MKLN1: variants seen among roughly 807,000 people sequenced by gnomAD.
MKLN1 encodes muskelin 1, also known as muskelin.
In MKLN1, 18 loss-of-function variants were observed where a neutral mutation model predicts 99.0. That is an observed-to-expected ratio of 0.18 (90% CI 0.13 to 0.27). MKLN1 has a LOEUF of 0.27. Ranked by LOEUF, MKLN1 falls within the 10% of genes least tolerant of loss-of-function variation. MKLN1 has a pLI of 1.00. For synonymous variants in MKLN1, 288 were observed against 293.2 expected, an observed-to-expected ratio of 0.98 and a Z score of 0.18; for missense variants, 621 against 875.9, an observed-to-expected ratio of 0.71 and a Z score of 3.67.
At chr7:131,423,719 T>C (rs1226051232) in intron 8 of MKLN1, among the ~76,000 whole-genome samples, 1 of 152,184 alleles carries the variant, frequency 6.6e-6, no homozygotes, top group Non-Finnish European at 1.5e-5. Context: ...TGCCTAAACA[T>C]GGGTTTTGGT....
intron 3 of MKLN1, among the ~76,000 whole-genome samples, chr7:131,273,102 C>A (rs1394526539): frequency 6.6e-6 from 1 of 152,148 alleles, no homozygotes; most frequent in East Asian, 1.9e-4. Context: ...AAGTTAAGTA[C>A]CTTTGCCAAG....
intron 1 of MKLN1, among the ~76,000 whole-genome samples, chr7:131,113,021 C>T (rs1584767286): frequency 6.6e-6 from 1 of 152,120 alleles, no homozygotes; most frequent in African/African-American, 2.4e-5. Flanking sequence ...GTGCTGGGTG[C>T]TGGGAATACA....
intron 6 of MKLN1, among the ~76,000 whole-genome samples, 182 bp from the exon 7 acceptor site, chr7:131,411,124 A>G (rs1332075741): frequency 2.6e-5 from 4 of 152,208 alleles, no homozygotes; most frequent in African/African-American, 7.2e-5. Flanking sequence ...ATATTTTACT[A>G]TTTATATTTG....
At chr7:131,469,945 G>A (rs1796772544) in intron 15 of MKLN1, among the ~76,000 whole-genome samples, 1 of 149,298 alleles carries the variant, frequency 6.7e-6, no homozygotes, top group Non-Finnish European at 1.5e-5. Flanking sequence ...GTACAATCAT[G>A]GCTCACTACA....
chr7:131,426,074 T>C (rs1387767149), intron 8 of MKLN1, among the ~76,000 whole-genome samples: 1 of 152,238 alleles, frequency 6.6e-6, no homozygotes, highest in Non-Finnish European at 1.5e-5. Flanking sequence ...AAAGCTTTCA[T>C]GGATAGGAAT....
chr7:131,471,114 G>T (rs1016529445), intron 16 of MKLN1, 170 bp downstream of exon 16: 1 of 524,002 alleles, frequency 1.9e-6, no homozygotes. Context: ...GAATAGGCAT[G>T]TTTTCGTGTG....
At chr7:131,376,391 C>A (rs1793666602) in intron 2 of MKLN1, among the ~76,000 whole-genome samples, 1 of 148,258 alleles carries the variant, frequency 6.7e-6, no homozygotes, top group African/African-American at 2.5e-5. Flanking sequence ...TGCGTGTAAT[C>A]CCAGCACTTT....
chr7:131,180,403 T>C (rs933253440), intron 2 of MKLN1, among the ~76,000 whole-genome samples: 1 of 152,136 alleles, frequency 6.6e-6, no homozygotes, highest in African/African-American at 2.4e-5. Context: ...CAATGTTTTA[T>C]GAAAGCTGTT....
chr7:131,448,520 T>C lies in MKLN1; in HGVS notation c.1525+2617T>C, dbSNP rs190604199. On this transcript the variant is annotated intron_variant, in intron 12 of 17. Coordinates refer to ENST00000352689, the MANE Select transcript of MKLN1 (RefSeq NM_013255.5). ...GCAAAAAAGAAAATATGTCAAACTG[T>C]CCAGAGATAACTTGTTAAAATTTTG... Among the ~76,000 whole-genome samples, 44 of 152,306 alleles carry C rather than the reference T, an allele frequency of 2.9e-4. No homozygotes were observed. The East Asian group carries it at 8.1e-3, about 28-fold the overall frequency.
At chr7:131,300,890 A>T (rs972319187) in intron 3 of MKLN1, among the ~76,000 whole-genome samples, 2 of 152,104 alleles carry the variant, frequency 1.3e-5, no homozygotes, top group African/African-American at 4.8e-5. Flanking sequence ...TACAAGGTGG[A>T]TGTTTATGCT....
chr7:131,163,560 C>T (rs766373339), intron 2 of MKLN1, among the ~76,000 whole-genome samples: 3 of 152,112 alleles, frequency 2.0e-5, no homozygotes, highest in African/African-American at 7.2e-5. Context: ...CCATTTCATT[C>T]GAATTTGTGA....
At chr7:131,349,869 A>G (rs937808578) in intron 1 of MKLN1, among the ~76,000 whole-genome samples, 1 of 152,194 alleles carries the variant, frequency 6.6e-6, no homozygotes, top group Middle Eastern at 3.4e-3. Context: ...TTTTGTTGCC[A>G]TTCTTTTTTC....
chr7:131,427,736 A>G (rs370502779), intron 8 of MKLN1, among the ~76,000 whole-genome samples: 45 of 152,088 alleles, frequency 3.0e-4, no homozygotes, highest in African/African-American at 1.0e-3. Flanking sequence ...TTGTATTTTT[A>G]GTAGAGACGG....
chr7:131,320,108 C>A (rs1798746922), intron 3 of MKLN1, among the ~76,000 whole-genome samples: 1 of 152,126 alleles, frequency 6.6e-6, no homozygotes, highest in Admixed American at 6.6e-5. Context: ...CAAGAAAGAG[C>A]CTGCATAGCC....
In MKLN1 at chr7:131,411,313, G is replaced by A. The variant is rs1794868429; in HGVS notation, c.711G>A (p.Leu237=). The A allele has an allele frequency of 3.7e-6, 6 of 1,602,844 alleles. No homozygotes were observed. In the East Asian group the frequency reaches 6.7e-5, roughly 18 times the overall value. ...ELIEKAVNDG[L]FNQYISQQEY... is the part of the protein sequence containing the mutation. ...ATTCTTCAATATTTGCAGATGGCTT[G>A]TTCAATCAGTATATCAGTCAACAGG... Residue 237 remains leucine, a synonymous_variant, in exon 7 of 18, where the codon TTG becomes TTA. Transcript: ENST00000352689.
chr7:131,394,891 G>A (rs745945112), intron 4 of MKLN1, among the ~76,000 whole-genome samples: 9 of 151,816 alleles, frequency 5.9e-5, no homozygotes, highest in Admixed American at 3.3e-4. Flanking sequence ...GGTCTGTCTT[G>A]GACTTTTTAC....
At chr7:131,357,368 T>C (rs955367618) in intron 1 of MKLN1, among the ~76,000 whole-genome samples, 2 of 152,194 alleles carry the variant, frequency 1.3e-5, no homozygotes, top group African/African-American at 4.8e-5. Flanking sequence ...CTTGATCACC[T>C]CCCTGAGGTG....
intron 2 of MKLN1, among the ~76,000 whole-genome samples, chr7:131,153,505 A>G (rs1200985005): frequency 1.3e-5 from 2 of 152,054 alleles, no homozygotes; most frequent in South Asian, 2.1e-4. Context: ...ATGTGAATAT[A>G]TATACATATA....
At position 131,341,740 on chromosome 7, in the gene MKLN1, GCAA is replaced by G. The variant is rs1360267006; in HGVS notation, c.98+13752_98+13754del. Among the ~76,000 whole-genome samples, 3 of 152,330 alleles carry G rather than the reference GCAA, an allele frequency of 2.0e-5. No individual in the cohort carries two copies. The East Asian group carries it at 5.8e-4, about 29-fold the overall frequency. ...TCTTATAAGGAACAAAACCAAAACAGCAACAACAACAGTGATTCTCATAAGGAG... is the reference window on the plus strand; with the variant it reads ...TCTTATAAGGAACAAAACCAAAACAGCAACAACAGTGATTCTCATAAGGAG... On this transcript the variant is annotated intron_variant, in intron 1 of 17. Coordinates refer to ENST00000352689, the MANE Select transcript of MKLN1 (RefSeq NM_013255.5).
Sources: gnomAD v4.1 joint callset for allele counts (sites outside exome capture counted in the v4.1 genomes callset) on GRCh38, gnomAD v4.1.1 for gene constraint, MANE v1.5 for transcripts, NCBI Gene and HGNC (gene_info 2026-07-23, HGNC 2026-07-21) for gene names.